Variants in NUP54 observed in about 807,000 individuals in gnomAD.
NUP54 encodes the protein nucleoporin p54.
In NUP54, 27 loss-of-function variants were observed where a neutral mutation model predicts 66.4. The observed-to-expected ratio is 0.41, with a 90% CI of 0.30 to 0.56. The LOEUF (loss-of-function observed/expected upper bound fraction) is 0.56, where lower values mean the gene tolerates loss of function less well. Among genes scored for constraint, NUP54 ranks in the 20% least tolerant of loss-of-function variants. The pLI, the probability that NUP54 is intolerant of heterozygous loss-of-function variation, is 0.34. For synonymous variants in NUP54, 206 were observed against 210.7 expected, an observed-to-expected ratio of 0.98 and a Z score of 0.19; for missense variants, 486 against 596.3, an observed-to-expected ratio of 0.82 and a Z score of 1.93.
At chr4:76,146,132 G>T in intron 1 of NUP54, 1 of 447,956 alleles carries the variant, frequency 2.2e-6, no homozygotes, top group Non-Finnish European at 4.5e-6. Flanking sequence ...TAGCAGATCT[G>T]CAAGTATACA....
At chr4:76,137,389 A>AAGGG (rs1385753339) in intron 3 of NUP54, among the ~76,000 whole-genome samples, 1 of 152,138 alleles carries the variant, frequency 6.6e-6, no homozygotes, top group African/African-American at 2.4e-5. Flanking sequence ...GGGAGGGAGG[A>AAGGG]AGGGATGCAT....
At chr4:76,120,889 G>C (rs1168937938) in intron 9 of NUP54, among the ~76,000 whole-genome samples, 2 of 152,234 alleles carry the variant, frequency 1.3e-5, no homozygotes, top group East Asian at 1.9e-4. Flanking sequence ...CAAATTATAG[G>C]ATCTCTTTGT....
At chr4:76,128,766 G>A (rs1234689943) in intron 8 of NUP54, among the ~76,000 whole-genome samples, 1 of 152,164 alleles carries the variant, frequency 6.6e-6, no homozygotes, top group African/African-American at 2.4e-5. Flanking sequence ...AAAGAATGAA[G>A]TGCTACCATT....
intron 3 of NUP54, 125 bp from the exon 4 acceptor site, chr4:76,136,537 T>C (rs1731046899): frequency 1.5e-6 from 1 of 651,986 alleles, no homozygotes; most frequent in Non-Finnish European, 2.6e-6. Context: ...ACAGAACCTA[T>C]AAATATGTTA....
At chr4:76,129,562 T>A (rs189911242) in intron 8 of NUP54, among the ~76,000 whole-genome samples, 1 of 152,110 alleles carries the variant, frequency 6.6e-6, no homozygotes, top group Non-Finnish European at 1.5e-5. Context: ...GGCTCCTGGG[T>A]TATAAAACCT....
In NUP54 at chr4:76,117,971, TAAG is replaced by T. The variant is rs1730027390; in HGVS notation, c.1284+101_1284+103del. On this transcript the variant is annotated intron_variant, in intron 10 of 11. Coordinates refer to ENST00000264883, the MANE Select transcript of NUP54 (RefSeq NM_017426.4). ...TTAGAAAGGAAGTTCTAATTGGAGA[TAAG>T]AAACACAAGTATACAAAATTCCTGC... 2.4e-6 allele frequency: 3 copies of T among 1,232,568 alleles called. No homozygotes were observed. The South Asian group carries it at 4.1e-5, about 17-fold the overall frequency. The allele number at this position is 1,232,568 out of a possible 1,614,324, so 76.4% of individuals were successfully genotyped here.
At chr4:76,145,574 G>A in intron 1 of NUP54, 1 of 1,274,228 alleles carries the variant, frequency 7.8e-7, no homozygotes, top group South Asian at 1.3e-5. Context: ...ACAAGAATGT[G>A]TTTCTTGAAG....
chr4:76,146,702 C>T (rs988069932), intron 1 of NUP54, among the ~76,000 whole-genome samples: 5 of 152,158 alleles, frequency 3.3e-5, no homozygotes, highest in African/African-American at 4.8e-5. Flanking sequence ...TACAGTGTCA[C>T]TATGTAAAGT....
chr4:76,129,400 A>C (rs1372128813), intron 8 of NUP54, among the ~76,000 whole-genome samples: 1 of 152,234 alleles, frequency 6.6e-6, no homozygotes, highest in Non-Finnish European at 1.5e-5. Flanking sequence ...CAAATCCGTA[A>C]GTGTTGCTGT....
intron 8 of NUP54, among the ~76,000 whole-genome samples, chr4:76,125,619 GGA>G (rs1163692492): frequency 3.6e-5 from 3 of 82,218 alleles, no homozygotes; most frequent in African/African-American, 1.4e-4. Context: ...TGGGCAAGAG[GGA>G]GAGGGAGAGG....
chr4:76,116,018 T>C (rs1729936692), intron 11 of NUP54, among the ~76,000 whole-genome samples: 2 of 152,192 alleles, frequency 1.3e-5, no homozygotes, highest in East Asian at 3.8e-4. Flanking sequence ...CCCTTTGGGG[T>C]ACCATTATCA....
rs746489551 is a variant in NUP54, at chr4:76,115,417, G to C, written c.1473C>G (p.Val491=). 18 of 1,610,816 alleles carry C rather than the reference G, an allele frequency of 1.1e-5. No homozygotes were observed. In the African/African-American group the frequency reaches 2.3e-4, roughly 20 times the overall value. ...IKDDLEDIKL[V]EHGLNETIHI... The stretch of plus-strand genomic sequence containing the variant: ...GGATGGTTTCATTCAATCCATGTTC[G>C]ACCAGCTTTATATCTTCTAGATCGT... The change falls in exon 12 of 12, where the codon GTC becomes GTG. Residue 491 remains valine (V), a synonymous_variant. Coordinates refer to ENST00000264883, the MANE Select transcript of NUP54 (RefSeq NM_017426.4).
chr4:76,148,023 T>C (rs1294398344), intron 1 of NUP54: 3 of 400,878 alleles, frequency 7.5e-6, no homozygotes, highest in East Asian at 3.7e-5. Context: ...AACCTCCAAT[T>C]TCTCTGAGTA....
At position 76,144,195 on chromosome 4, in the gene NUP54, A is replaced by G. The variant is rs1731385162; in HGVS notation, c.249T>C (p.Thr83=). 5 of 1,614,084 alleles carry G rather than the reference A, an allele frequency of 3.1e-6. No individual in the cohort carries two copies. The highest frequency in any genetic ancestry group is 1.3e-5 in the African/African-American group (1 of 75,052). The change falls in exon 3 of 12, where the codon ACT becomes ACC. Residue 83 remains threonine, a synonymous_variant. Coordinates refer to ENST00000264883, the MANE Select transcript of NUP54 (RefSeq NM_017426.4). ...TSTGLGTGLG[T]GLGFGGFNTQ... Reference sequence around the variant, plus strand: ...TATTAAATCCTCCAAATCCCAGTCCAGTTCCCAAACCAGTACCTAAACCAG... The same window carrying G: ...TATTAAATCCTCCAAATCCCAGTCCGGTTCCCAAACCAGTACCTAAACCAG...
intron 5 of NUP54, among the ~76,000 whole-genome samples, chr4:76,133,047 GAT>G (rs111375566): frequency 0.18 from 20,023 of 111,536 alleles, 1,558 homozygotes; most frequent in East Asian, 0.43. Context: ...AAATATATAT[GAT>G]ATATATATAT....
Position 76,134,473 on chromosome 4 carries a change from G to A in NUP54, c.523-111C>T, listed in dbSNP as rs144155546. 3.3e-4 allele frequency: 278 copies of A among 845,978 alleles called. 1 individual carries two copies. In the African/African-American group the frequency reaches 4.3e-3, roughly 13 times the overall value. 52.4% of individuals were successfully genotyped at this position (845,978 alleles called of 1,614,324 possible). ...AATGGGAAAAACAACTTAATGTCTG[G>A]TAATTAAGGGAATAATGATTCTTCC... On this transcript the variant is annotated intron_variant, in intron 4 of 11. Transcript: ENST00000264883.
chr4:76,127,181 C>T lies in NUP54; in HGVS notation c.1057-2425G>A, dbSNP rs955339308. ...GGCGCAGTGGCTCACGCCTGTAATC[C>T]CAGCACTTTGGGAGGCCAAGACGGG... On this transcript the variant is annotated intron_variant, in intron 8 of 11. Coordinates refer to ENST00000264883, the MANE Select transcript of NUP54 (RefSeq NM_017426.4). Among the ~76,000 whole-genome samples, 11 of 152,116 alleles carry T rather than the reference C, an allele frequency of 7.2e-5. No homozygotes were observed. The South Asian group carries it at 1.5e-3, about 20-fold the overall frequency.
chr4:76,125,786 G>A (rs1294896492), intron 8 of NUP54, among the ~76,000 whole-genome samples: 2 of 42,014 alleles, frequency 4.8e-5, no homozygotes, highest in African/African-American at 1.0e-4. Flanking sequence ...GGAGAGAGGG[G>A]GAGAGAGGGA....
chr4:76,144,500 AG>A (rs1406837851), intron 1 of NUP54, 27 bp from the exon 2 acceptor site: 2 of 1,543,280 alleles, frequency 1.3e-6, no homozygotes, highest in Non-Finnish European at 1.7e-6. Flanking sequence ...AAAAATAGAA[AG>A]GAAGAATCTT....
Sources: gnomAD v4.1 joint callset for allele counts (sites outside exome capture counted in the v4.1 genomes callset) on GRCh38, gnomAD v4.1.1 for gene constraint, MANE v1.5 for transcripts, NCBI Gene and HGNC (gene_info 2026-07-23, HGNC 2026-07-21) for gene names.